The following NCKAP5 variants were observed in gnomAD, a reference collection of about 807,000 sequenced individuals.
The protein encoded by NCKAP5 is NCK associated protein 5.
A neutral mutation model predicts 167.0 loss-of-function variants in NCKAP5; 92 were observed. That is an observed-to-expected ratio of 0.55 (90% CI 0.47 to 0.66). The LOEUF (loss-of-function observed/expected upper bound fraction) is 0.66, where lower values mean the gene tolerates loss of function less well. Among genes scored for constraint, NCKAP5 ranks in the 30% least tolerant of loss-of-function variants. The pLI, the probability that NCKAP5 is intolerant of heterozygous loss-of-function variation, is 0.00. For missense variants in NCKAP5, 2,378 were observed against 2,315.0 expected, an observed-to-expected ratio of 1.03 and a Z score of -0.56; for synonymous variants, 891 against 877.4, an observed-to-expected ratio of 1.02 and a Z score of -0.27.
intron 7 of NCKAP5, among the ~76,000 whole-genome samples, chr2:132,990,400 A>G (rs1365946031): frequency 6.6e-6 from 1 of 152,210 alleles, no homozygotes; most frequent in African/African-American, 2.4e-5. Flanking sequence ...ACTTAGACCA[A>G]TATCTTCTGG....
intron 6 of NCKAP5, among the ~76,000 whole-genome samples, chr2:133,018,816 A>G (rs958876783): frequency 2.6e-5 from 4 of 152,188 alleles, no homozygotes; most frequent in Non-Finnish European, 5.9e-5. Flanking sequence ...GGGAAATTTT[A>G]TCTCAAAAAG....
At chr2:133,248,555 T>C (rs754659568) in intron 4 of NCKAP5, among the ~76,000 whole-genome samples, 12 of 152,246 alleles carry the variant, frequency 7.9e-5, no homozygotes, top group Non-Finnish European at 1.3e-4. Flanking sequence ...GCCAGGACCC[T>C]GGTTTCTAGT....
At chr2:133,604,954 C>T in the NCKAP5 span, among the ~76,000 whole-genome samples, 8 of 152,346 alleles carry the variant, frequency 5.3e-5, no homozygotes, top group African/African-American at 1.7e-4. Flanking sequence ...GTACAAGACA[C>T]AGTGATGAGA....
intron 6 of NCKAP5, among the ~76,000 whole-genome samples, chr2:133,024,390 C>T (rs775283313): frequency 6.6e-6 from 1 of 152,146 alleles, no homozygotes; most frequent in Non-Finnish European, 1.5e-5. Context: ...TCATATCTTA[C>T]ATAGCACTAA....
intron 11 of NCKAP5, among the ~76,000 whole-genome samples, chr2:132,841,203 G>A (rs1270386916): frequency 2.0e-5 from 3 of 151,218 alleles, no homozygotes; most frequent in Non-Finnish European, 2.9e-5. Context: ...CCAAAACCAT[G>A]TTAAAATAAT....
intron 19 of NCKAP5, among the ~76,000 whole-genome samples, chr2:132,718,148 G>A (rs1689549058): frequency 6.6e-6 from 1 of 152,122 alleles, no homozygotes; most frequent in South Asian, 2.1e-4. Context: ...CTGTGCCATT[G>A]AACCTTCCCT....
chr2:133,029,914 G>T (rs1375689894), intron 6 of NCKAP5, among the ~76,000 whole-genome samples: 1 of 152,118 alleles, frequency 6.6e-6, no homozygotes, highest in Non-Finnish European at 1.5e-5. Flanking sequence ...GATTTTTCTG[G>T]TTATATAGCT....
At chr2:133,632,221 T>C in the NCKAP5 span, among the ~76,000 whole-genome samples, 1 of 152,304 alleles carries the variant, frequency 6.6e-6, no homozygotes, top group East Asian at 1.9e-4. Flanking sequence ...TGGTATGCCC[T>C]GCAGGCAGGA....
At chr2:133,140,153 C>G (rs2082944209) in intron 5 of NCKAP5, among the ~76,000 whole-genome samples, 1 of 152,202 alleles carries the variant, frequency 6.6e-6, no homozygotes, top group South Asian at 2.1e-4. Context: ...ATTCTATCCC[C>G]TTGAAGTTTT....
At chr2:132,722,203 C>A (rs1316191721) in intron 19 of NCKAP5, among the ~76,000 whole-genome samples, 1 of 152,142 alleles carries the variant, frequency 6.6e-6, no homozygotes, top group African/African-American at 2.4e-5. Context: ...TGCCCTCATA[C>A]CCAGGTACTC....
chr2:133,612,363 G>T, the NCKAP5 span, among the ~76,000 whole-genome samples: 1 of 152,178 alleles, frequency 6.6e-6, no homozygotes, highest in Non-Finnish European at 1.5e-5. Context: ...ACTTGAACCA[G>T]TTGAGAGCAT....
intron 3 of NCKAP5, among the ~76,000 whole-genome samples, chr2:133,415,191 T>A (rs1034555940): frequency 4.6e-5 from 7 of 152,256 alleles, no homozygotes; most frequent in African/African-American, 1.4e-4. Flanking sequence ...ATTTGTACCA[T>A]GTCATGGCCA....
At chr2:132,717,554 T>TA (rs1226780303) in intron 19 of NCKAP5, among the ~76,000 whole-genome samples, 1 of 152,230 alleles carries the variant, frequency 6.6e-6, no homozygotes, top group African/African-American at 2.4e-5. Flanking sequence ...GCAGCGTTTT[T>TA]AAAATTCATC....
chr2:132,799,417 A>G (rs180723148), intron 11 of NCKAP5, among the ~76,000 whole-genome samples: 1 of 152,314 alleles, frequency 6.6e-6, no homozygotes, highest in African/African-American at 2.4e-5. Context: ...AAGTTAAATA[A>G]AATTCCTAAC....
intron 6 of NCKAP5, among the ~76,000 whole-genome samples, chr2:133,016,567 TG>T (rs2078344120): frequency 6.6e-6 from 1 of 152,212 alleles, no homozygotes; most frequent in South Asian, 2.1e-4. Flanking sequence ...AATTAAATAG[TG>T]TTAATGCTAT....
intron 3 of NCKAP5, among the ~76,000 whole-genome samples, chr2:133,497,973 G>A (rs1050828081): frequency 5.9e-5 from 9 of 152,268 alleles, no homozygotes; most frequent in African/African-American, 1.7e-4. Context: ...AGAGCCATGC[G>A]TATGTCTAAT....
intron 11 of NCKAP5, among the ~76,000 whole-genome samples, chr2:132,859,270 G>A (rs1196099516): frequency 6.6e-6 from 1 of 152,092 alleles, no homozygotes; most frequent in East Asian, 1.9e-4. Flanking sequence ...TTGATGTTCA[G>A]CTTACCGAAC....
chr2:133,372,901 T>A (rs763311723), intron 3 of NCKAP5, among the ~76,000 whole-genome samples: 24 of 152,204 alleles, frequency 1.6e-4, no homozygotes, highest in Non-Finnish European at 2.9e-4. Flanking sequence ...AATATCAGCA[T>A]CTTCTTTACA....
chr2:133,150,761 C>T (rs1271082579), intron 5 of NCKAP5, among the ~76,000 whole-genome samples: 1 of 152,036 alleles, frequency 6.6e-6, no homozygotes, highest in Admixed American at 6.6e-5. Flanking sequence ...ATATGTTTAC[C>T]ATATATGTAC....
Sources: gnomAD v4.1 joint callset for allele counts (sites outside exome capture counted in the v4.1 genomes callset) on GRCh38, gnomAD v4.1.1 for gene constraint, MANE v1.5 for transcripts, NCBI Gene and HGNC (gene_info 2026-07-23, HGNC 2026-07-21) for gene names.